The following SDK2 variants were observed in gnomAD, a reference collection of about 807,000 sequenced individuals.
SDK2 encodes protein sidekick-2.
Under a neutral mutation model 253.9 loss-of-function variants are expected in SDK2, and 105 were observed. That is an observed-to-expected ratio of 0.41 (90% CI 0.35 to 0.49). The LOEUF is 0.49. Ranked by LOEUF, SDK2 falls within the 20% of genes least tolerant of loss-of-function variation. SDK2 has a pLI of 0.06. For missense variants in SDK2, 2,608 were observed against 3,003.0 expected (o/e 0.87, Z 3.07); for synonymous variants, 1,249 against 1,234.9 (o/e 1.01, Z -0.24).
At chr17:73,490,960 G>A (rs1417598470) in intron 2 of SDK2, among the ~76,000 whole-genome samples, 1 of 152,168 alleles carries the variant, frequency 6.6e-6, no homozygotes, top group Non-Finnish European at 1.5e-5. Context: ...AAGATGTTAA[G>A]GAACTTGCCC....
intron 1 of SDK2, chr17:73,521,409 G>C (rs2064078506): frequency 6.6e-6 from 1 of 152,160 alleles, no homozygotes; most frequent in Admixed American, 6.5e-5. Flanking sequence ...TACAATGGGT[G>C]CCAGGTGTCG....
chr17:73,403,046 G>T (rs141386812), intron 18 of SDK2, among the ~76,000 whole-genome samples: 1 of 151,600 alleles, frequency 6.6e-6, no homozygotes, highest in African/African-American at 2.4e-5. Context: ...TGATCCGCCC[G>T]CCTCGGCCTC....
intron 1 of SDK2, among the ~76,000 whole-genome samples, chr17:73,582,562 G>C (rs1479040609): frequency 6.6e-6 from 1 of 152,192 alleles, no homozygotes; most frequent in Non-Finnish European, 1.5e-5. Context: ...GTCAGAAAGA[G>C]AGAGAGTGAT....
intron 26 of SDK2, 89 bp from the exon 27 acceptor site, chr17:73,393,838 T>G: frequency 9.5e-7 from 1 of 1,052,788 alleles, no homozygotes; most frequent in South Asian, 2.1e-5. Flanking sequence ...GATGAGCAGC[T>G]GTGTGTCACA....
At chr17:73,389,269 C>T (rs964216931) in intron 29 of SDK2, among the ~76,000 whole-genome samples, 8 of 150,090 alleles carry the variant, frequency 5.3e-5, no homozygotes, top group Non-Finnish European at 7.4e-5. Flanking sequence ...CTGTGACCTC[C>T]GCCTCGCAGG....
rs532860570 is a variant in SDK2, at chr17:73,430,627, C to T, written c.1481-14G>A. ...TGCGGGTCCGAGCTGAAAGATACAG[C>T]GGAGACAGCATGGTGAGAAGAGGTG... is the stretch of plus-strand genomic sequence containing the variant. On this transcript the variant is annotated splice_polypyrimidine_tract_variant and intron_variant, in intron 11 of 44. Coordinates refer to ENST00000392650, the MANE Select transcript of SDK2 (RefSeq NM_001144952.2). 1.8e-5 allele frequency: 28 copies of T among 1,515,886 alleles called. No homozygotes were observed. The highest frequency in any genetic ancestry group is 6.2e-5 in the Admixed American group (3 of 48,630). 93.9% of individuals were successfully genotyped at this position (1,515,886 alleles called of 1,614,324 possible). A position where few individuals can be genotyped will look rare whatever the true frequency, so the allele number is the denominator to read the frequency against.
chr17:73,393,436 G>T, intron 27 of SDK2, 124 bp downstream of exon 27: 1 of 794,094 alleles, frequency 1.3e-6, no homozygotes, highest in Non-Finnish European at 1.8e-6. Context: ...CATCCCTACC[G>T]GAGGCATCTG....
At chr17:73,492,501 C>A (rs2063812529) in intron 2 of SDK2, among the ~76,000 whole-genome samples, 2 of 152,156 alleles carry the variant, frequency 1.3e-5, no homozygotes, top group Admixed American at 1.3e-4. Context: ...CTTCCTTCTC[C>A]AGCTGTCTGT....
chr17:73,469,134 T>C (rs950268776), intron 3 of SDK2, among the ~76,000 whole-genome samples: 2 of 152,156 alleles, frequency 1.3e-5, no homozygotes, highest in African/African-American at 4.8e-5. Context: ...GACCACTCTT[T>C]TTATTAAGCC....
At chr17:73,476,049 T>C (rs1271404849) in intron 2 of SDK2, among the ~76,000 whole-genome samples, 1 of 151,830 alleles carries the variant, frequency 6.6e-6, no homozygotes, top group Non-Finnish European at 1.5e-5. Context: ...GAGGTGGAGG[T>C]TGCAGTGAGC....
intron 1 of SDK2, among the ~76,000 whole-genome samples, chr17:73,586,880 T>G (rs1329759413): frequency 6.6e-6 from 1 of 152,214 alleles, no homozygotes; most frequent in Non-Finnish European, 1.5e-5. Flanking sequence ...ATGGAAAAAC[T>G]AAGTCTAACA....
intron 1 of SDK2, among the ~76,000 whole-genome samples, chr17:73,584,886 G>T (rs1015777285): frequency 1.3e-5 from 2 of 152,262 alleles, no homozygotes; most frequent in Non-Finnish European, 2.9e-5. Context: ...AGAACAGGAA[G>T]ACGCTCAGGT....
At chr17:73,526,138 C>T (rs1011063042) in intron 1 of SDK2, among the ~76,000 whole-genome samples, 8 of 152,188 alleles carry the variant, frequency 5.3e-5, no homozygotes, top group African/African-American at 1.7e-4. Context: ...GTGGGGCAGT[C>T]GGGAACACTC....
chr17:73,563,249 T>C (rs1475801677), intron 1 of SDK2, among the ~76,000 whole-genome samples: 2 of 152,212 alleles, frequency 1.3e-5, no homozygotes, highest in African/African-American at 4.8e-5. Flanking sequence ...AATCACATTA[T>C]AGCTCAAATA....
intron 40 of SDK2, among the ~76,000 whole-genome samples, chr17:73,355,058 C>T (rs1015784012): frequency 4.0e-5 from 6 of 150,192 alleles, no homozygotes; most frequent in African/African-American, 1.5e-4. Context: ...CCATGGGGAC[C>T]CAGTCTACAT....
intron 10 of SDK2, among the ~76,000 whole-genome samples, chr17:73,432,014 G>C (rs376377454): frequency 5.7e-4 from 87 of 152,268 alleles, no homozygotes; most frequent in African/African-American, 2.0e-3. Context: ...AGAGGCAGCT[G>C]GCACCCGGGT....
rs2062642084 is a variant in SDK2 at position 73,361,710 on chromosome 17, G to A, written c.5441C>T (p.Ala1814Val). Residue 1814 changes from alanine to valine, a missense_variant, in exon 39 of 45, where the codon GCC becomes GTC. By Grantham distance (64) the Ala-to-Val change is moderately conservative (BLOSUM62 0). This residue lies in a region of SDK2 where 1,103 missense variants were observed against 1,143.9 expected (regional missense o/e 0.96). Transcript: ENST00000392650. The surrounding 1 kb of genome is among the most constrained non-coding windows in gnomAD (Gnocchi z 4.1). ...TTCTCCGGGGCCCGTGGTGACGTTG[G>A]CTTCGATCTCCGGCCCGTAGGTGAA... ...KTFTYGPEIE[A>V]NVTTGPGEGA... 6.2e-7 allele frequency: 1 copy of A among 1,612,208 alleles called. No homozygotes were observed. Among genetic ancestry groups the A allele is most frequent in the Non-Finnish European group, 8.5e-7 (1 of 1,178,516 alleles).
rs147776098 is a variant in SDK2, at chr17:73,525,449, C to T, written c.65-17852G>A. ...GACAATAAATTAATATAATAGGGTG[C>T]TTGGCTGGTGACAGGGAATAAAACA... On this transcript the variant is annotated intron_variant, in intron 1 of 44. Transcript: ENST00000392650. Among the ~76,000 whole-genome samples, 17 of 152,278 alleles carry T rather than the reference C, an allele frequency of 1.1e-4. No individual in the cohort carries two copies. In the East Asian group the frequency reaches 3.1e-3, roughly 28 times the overall value.
intron 1 of SDK2, among the ~76,000 whole-genome samples, chr17:73,551,373 TG>T (rs2145837220): frequency 6.6e-6 from 1 of 152,158 alleles, no homozygotes; most frequent in African/African-American, 2.4e-5. Context: ...AAACGCGGCC[TG>T]GGCCAGAGAC....
Sources: allele counts gnomAD v4.1 joint callset (sites outside exome capture counted in the v4.1 genomes callset), GRCh38; gene constraint gnomAD v4.1.1; regional missense constraint gnomAD v4.1.1; non-coding constraint Gnocchi (gnomAD v3.1); transcripts MANE v1.5; gene names NCBI Gene and HGNC (gene_info 2026-07-23, HGNC 2026-07-21).